The following HSP90AA1 variants were observed in gnomAD, a reference collection of about 807,000 sequenced individuals.
The protein encoded by HSP90AA1 is heat shock protein 90 alpha family class A member 1, also known as heat shock protein HSP 90-alpha.
In HSP90AA1, 18 loss-of-function variants were observed where a neutral mutation model predicts 73.3. That is an observed-to-expected ratio of 0.25 (90% CI 0.17 to 0.36). The LOEUF is 0.36. Among genes scored for constraint, HSP90AA1 ranks in the 10% least tolerant of loss-of-function variants. The probability of loss-of-function intolerance (pLI) is 1.00; values close to 1 mark genes in which losing one functional copy is unlikely to be tolerated. For synonymous variants in HSP90AA1, 477 were observed against 296.9 expected (o/e 1.61, Z -6.24); for missense variants, 704 against 874.2 (o/e 0.81, Z 2.45).
upstream of HSP90AA1, among the ~76,000 whole-genome samples, chr14:102,089,263 AC>A (rs1595662903): frequency 6.6e-6 from 1 of 151,172 alleles, no homozygotes; most frequent in East Asian, 1.9e-4. Flanking sequence ...ACCTTCATTT[AC>A]CCCCATTTCT....
chr14:102,113,459 T>TTC (rs1344907275), intron 1 of HSP90AA1, among the ~76,000 whole-genome samples: 2 of 151,170 alleles, frequency 1.3e-5, no homozygotes. Context: ...TGGCTTGCTG[T>TTC]AACCTCCGCC....
chr14:102,126,730 G>A lies in HSP90AA1; in HGVS notation c.155+12520C>T, dbSNP rs1034367728. 1.9e-3 allele frequency among the ~76,000 whole-genome samples: 295 copies of A among 152,184 alleles called. 9 individuals are homozygous for A. The highest frequency in any genetic ancestry group is 3.8e-4 in the Non-Finnish European group (26 of 68,016). On this transcript the variant is annotated intron_variant, in intron 1 of 11. Coordinates refer to the HSP90AA1 transcript ENST00000334701. ...CTTTTAGTAGAGATGGGGTTTCACGGTGTTAGCCAGAATGGTCTCGATCTC... is the reference window on the plus strand; with the variant it reads ...CTTTTAGTAGAGATGGGGTTTCACGATGTTAGCCAGAATGGTCTCGATCTC...
At chr14:102,128,606 C>T (rs2049866641) in intron 1 of HSP90AA1, among the ~76,000 whole-genome samples, 1 of 130,376 alleles carries the variant, frequency 7.7e-6, no homozygotes, top group Admixed American at 9.6e-5. Flanking sequence ...CTAGCCTGGG[C>T]AGTAAGAGCA....
chr14:102,134,816 G>A (rs567624346), intron 1 of HSP90AA1, among the ~76,000 whole-genome samples: 67 of 152,276 alleles, frequency 4.4e-4, no homozygotes, highest in African/African-American at 1.4e-3. Context: ...TCTACAGTGC[G>A]GAAGTGAACC....
intron 1 of HSP90AA1, among the ~76,000 whole-genome samples, chr14:102,123,037 CT>C (rs949602330): frequency 2.6e-5 from 4 of 152,140 alleles, no homozygotes; most frequent in African/African-American, 9.7e-5. Flanking sequence ...TTCTGACAAA[CT>C]GTAAATAAAA....
chr14:102,108,009 A>G (rs1467188560), intron 1 of HSP90AA1, among the ~76,000 whole-genome samples: 1 of 150,960 alleles, frequency 6.6e-6, no homozygotes, highest in East Asian at 1.9e-4. Context: ...TCACACCTGT[A>G]ATACCAGCAC....
chr14:102,119,198 T>C (rs2049744001), intron 1 of HSP90AA1, among the ~76,000 whole-genome samples: 1 of 152,108 alleles, frequency 6.6e-6, no homozygotes, highest in Non-Finnish European at 1.5e-5. Flanking sequence ...TTTGAAGTAA[T>C]ATTGCCTAGT....
At chr14:102,082,497 T>C (rs1271353362) in intron 9 of HSP90AA1, 53 bp from the exon 10 acceptor site, 3 of 1,430,418 alleles carry the variant, frequency 2.1e-6, no homozygotes, top group African/African-American at 1.4e-5. Flanking sequence ...TCCTAAACTT[T>C]CATTGTGAAA....
At chr14:102,084,236 G>C (rs774693927) in intron 6 of HSP90AA1, 163 bp downstream of exon 6, 2 of 708,626 alleles carry the variant, frequency 2.8e-6, no homozygotes, top group Middle Eastern at 2.7e-4. Context: ...AGTAGAGATG[G>C]GGTTTCACCA....
chr14:102,118,340 T>G (rs1055921919), intron 1 of HSP90AA1, among the ~76,000 whole-genome samples: 2 of 152,166 alleles, frequency 1.3e-5, no homozygotes, highest in African/African-American at 4.8e-5. Context: ...GGCTTTCAAA[T>G]TTTGTGTCAT....
At chr14:102,095,895 A>G (rs952034354) in intron 2 of HSP90AA1, among the ~76,000 whole-genome samples, 1 of 151,962 alleles carries the variant, frequency 6.6e-6, no homozygotes, top group Non-Finnish European at 1.5e-5. Context: ...TCATCTGCCC[A>G]CTTCCCAGTG....
At chr14:102,109,908 G>C (rs144580296) in intron 1 of HSP90AA1, among the ~76,000 whole-genome samples, 178 of 152,258 alleles carry the variant, frequency 1.2e-3, no homozygotes, top group South Asian at 4.8e-3. Context: ...TGAGGAACTT[G>C]TTGGGAACTG....
chr14:102,085,610 G>T (rs907163906), intron 3 of HSP90AA1, 148 bp downstream of exon 3: 1 of 1,303,540 alleles, frequency 7.7e-7, no homozygotes. Context: ...ACCAAGTCAT[G>T]CCATTACACT....
In HSP90AA1 at chr14:102,081,670, A is replaced by G; in HGVS notation, c.*42T>C. Reference sequence around the variant, plus strand: ...TCCTTGAAAATATATTATCAGAGGAATTGTAGAGTACTGAACAGGTAAGTC... The same window carrying G: ...TCCTTGAAAATATATTATCAGAGGAGTTGTAGAGTACTGAACAGGTAAGTC... On this transcript the variant is annotated 3_prime_UTR_variant, in exon 11 of 11. Coordinates refer to ENST00000216281, the MANE Select transcript of HSP90AA1 (RefSeq NM_005348.4). 1 of 846,320 alleles carries G rather than the reference A, an allele frequency of 1.2e-6. No individual in the cohort carries two copies. The highest frequency in any genetic ancestry group is 2.1e-6 in the Non-Finnish European group (1 of 478,182). 52.4% of individuals were successfully genotyped at this position (846,320 alleles called of 1,614,324 possible).
Position 102,083,541 on chromosome 14 carries a change from C to T in HSP90AA1, c.1486+5G>A, listed in dbSNP as rs753800056. 8.1e-6 allele frequency: 13 copies of T among 1,612,998 alleles called. No individual in the cohort carries two copies. Among genetic ancestry groups the T allele is most frequent in the Non-Finnish European group, 1.1e-5 (13 of 1,179,536 alleles). On this transcript the variant is annotated splice_donor_5th_base_variant and intron_variant, in intron 8 of 10. Coordinates refer to ENST00000216281, the MANE Select transcript of HSP90AA1 (RefSeq NM_005348.4). ...GTGTATGACTGTAACATAGTGTTCT[C>T]TTACCTGTGATATAATAGATATGTT... is the stretch of plus-strand genomic sequence containing the variant.
At chr14:102,122,959 C>A (rs1462030085) in intron 1 of HSP90AA1, among the ~76,000 whole-genome samples, 3 of 151,916 alleles carry the variant, frequency 2.0e-5, no homozygotes, top group Non-Finnish European at 2.9e-5. Flanking sequence ...TGAGCCACTG[C>A]GCCCAGCCAA....
chr14:102,134,171 C>T (rs1230879841), intron 1 of HSP90AA1, among the ~76,000 whole-genome samples: 2 of 149,996 alleles, frequency 1.3e-5, no homozygotes, highest in Non-Finnish European at 3.0e-5. Context: ...AACCCCGTCT[C>T]TATAAAAAAT....
At position 102,100,600 on chromosome 14, in the gene HSP90AA1, T is replaced by C. The variant is rs528577384; in HGVS notation, c.366+1275A>G. On this transcript the variant is annotated intron_variant, in intron 2 of 11. Transcript: ENST00000334701. The stretch of plus-strand genomic sequence containing the variant: ...ACCATCATGCCCGCCTAATTTTGTA[T>C]TTTTAGTAGAGACAGGGTTTCTCCA... 7.9e-5 allele frequency among the ~76,000 whole-genome samples: 12 copies of C among 152,286 alleles called. No individual in the cohort carries two copies. The South Asian group carries it at 2.5e-3, about 32-fold the overall frequency.
chr14:102,134,322 CAAAAAA>C (rs57081266), intron 1 of HSP90AA1, among the ~76,000 whole-genome samples: 3 of 69,092 alleles, frequency 4.3e-5, no homozygotes, highest in South Asian at 5.4e-4. Context: ...GGCTCTGTCT[CAAAAAA>C]AAAAAAAAAA....
Sources: allele counts gnomAD v4.1 joint callset (sites outside exome capture counted in the v4.1 genomes callset), GRCh38; gene constraint gnomAD v4.1.1; transcripts MANE v1.5; gene names NCBI Gene and HGNC (gene_info 2026-07-23, HGNC 2026-07-21).